ECT2L: variants seen among roughly 807,000 people sequenced by gnomAD.
ECT2L encodes the protein epithelial cell transforming 2 like.
In ECT2L, 126 loss-of-function variants were observed where a neutral mutation model predicts 122.8. That is an observed-to-expected ratio of 1.03 (90% CI 0.89 to 1.19). The LOEUF (loss-of-function observed/expected upper bound fraction) is 1.19, where lower values mean the gene tolerates loss of function less well. Ranked by LOEUF, ECT2L falls within the 50% of genes most tolerant of loss-of-function variation. The probability of loss-of-function intolerance (pLI) is 0.00; values close to 1 mark genes in which losing one functional copy is unlikely to be tolerated. For synonymous variants in ECT2L, 385 were observed against 381.8 expected (o/e 1.01, Z -0.10); for missense variants, 1,012 against 1,064.1 (o/e 0.95, Z 0.68).
In ECT2L at chr6:138,882,899, A is replaced by G. The variant is rs376831185; in HGVS notation, c.2028+28A>G. 34 of 1,610,478 alleles carry G rather than the reference A, an allele frequency of 2.1e-5. No homozygotes were observed. The African/African-American group carries it at 2.7e-4, about 13-fold the overall frequency. The stretch of plus-strand genomic sequence containing the variant: ...AAATGAGTTTCAATTCCATCATTCT[A>G]TAAGACCTGAGCTAGAAAGGAAGTT... On this transcript the variant is annotated intron_variant, in intron 16 of 21. Transcript: ENST00000541398.
intron 13 of ECT2L, among the ~76,000 whole-genome samples, chr6:138,868,921 C>G (rs1582637337): frequency 6.6e-6 from 1 of 152,190 alleles, no homozygotes; most frequent in East Asian, 1.9e-4. Context: ...AATCCCAGCA[C>G]TTTGGGAGGC....
chr6:138,850,325 A>G (rs531438234), intron 9 of ECT2L, among the ~76,000 whole-genome samples: 1 of 152,130 alleles, frequency 6.6e-6, no homozygotes, highest in South Asian at 2.1e-4. Context: ...TTCTATTTTT[A>G]GTAGAGACAG....
intron 20 of ECT2L, among the ~76,000 whole-genome samples, chr6:138,891,535 C>A (rs1410823974): frequency 6.6e-6 from 1 of 152,120 alleles, no homozygotes; most frequent in Non-Finnish European, 1.5e-5. Flanking sequence ...GATTCCAGAT[C>A]TTTAGATAAA....
intron 10 of ECT2L, among the ~76,000 whole-genome samples, chr6:138,858,957 C>T (rs1777722081): frequency 6.6e-6 from 1 of 152,056 alleles, no homozygotes; most frequent in African/African-American, 2.4e-5. Context: ...ATTCTCCTTC[C>T]TCAGCCTGCT....
At chr6:138,832,434 T>G (rs1298668524) in intron 4 of ECT2L, among the ~76,000 whole-genome samples, 1 of 152,204 alleles carries the variant, frequency 6.6e-6, no homozygotes, top group Admixed American at 6.5e-5. Context: ...TTCACATATG[T>G]ATCTTCCTCT....
chr6:138,886,697 C>T (rs867272934), intron 18 of ECT2L, among the ~76,000 whole-genome samples, 160 bp from the exon 19 acceptor site: 3 of 152,084 alleles, frequency 2.0e-5, no homozygotes, highest in Non-Finnish European at 4.4e-5. Flanking sequence ...GGATTACAGA[C>T]GAAAGTCACT....
chr6:138,839,364 C>CTTTTTTT (rs11325945), intron 5 of ECT2L, among the ~76,000 whole-genome samples: 1 of 147,614 alleles, frequency 6.8e-6, no homozygotes, highest in Non-Finnish European at 1.5e-5. Flanking sequence ...TAAACACATA[C>CTTTTTTT]TTTTTTTTTT....
chr6:138,826,013 A>C (rs1461091057), intron 4 of ECT2L, among the ~76,000 whole-genome samples: 1 of 152,202 alleles, frequency 6.6e-6, no homozygotes, highest in Non-Finnish European at 1.5e-5. Context: ...TCACTGATGG[A>C]AGCATTCCCT....
chr6:138,861,075 T>C (rs1463098752), intron 10 of ECT2L, among the ~76,000 whole-genome samples: 2 of 152,212 alleles, frequency 1.3e-5, no homozygotes, highest in Non-Finnish European at 2.9e-5. Context: ...TTTTTATGGC[T>C]GCCTAGTATT....
rs58482102 is a variant in ECT2L, at chr6:138,886,408, AT to A, written c.2260-439del. On this transcript the variant is annotated intron_variant, in intron 18 of 21. Coordinates refer to ENST00000541398, the MANE Select transcript of ECT2L (RefSeq NM_001077706.3). Reference sequence around the variant, plus strand: ...AAAACATTGGGTACAGAAAATTGAAATTTTTTTTTTCTTTTTTGAGACAGGG... The same window carrying A: ...AAAACATTGGGTACAGAAAATTGAAATTTTTTTTTCTTTTTTGAGACAGGG... 5.4e-3 allele frequency among the ~76,000 whole-genome samples: 819 copies of A among 150,814 alleles called. 17 individuals carry two copies. The highest frequency in any genetic ancestry group is 0.043 in the Admixed American group (650 of 15,116).
intron 1 of ECT2L, among the ~76,000 whole-genome samples, chr6:138,799,195 A>G (rs1049672129): frequency 2.0e-5 from 3 of 152,128 alleles, no homozygotes; most frequent in Non-Finnish European, 2.9e-5. Context: ...TTCAGGAAAA[A>G]TCTAGTATAA....
chr6:138,861,501 T>C (rs1777830376), intron 10 of ECT2L, among the ~76,000 whole-genome samples: 2 of 152,228 alleles, frequency 1.3e-5, no homozygotes, highest in Admixed American at 1.3e-4. Context: ...CTTTTTTTCA[T>C]GTGTTTGACG....
chr6:138,886,798 C>A, intron 18 of ECT2L, 59 bp from the exon 19 acceptor site: 1 of 1,184,110 alleles, frequency 8.4e-7, no homozygotes, highest in South Asian at 1.3e-5. Flanking sequence ...TAATCTATTT[C>A]TTTTATGAAT....
At chr6:138,864,910 T>G in intron 11 of ECT2L, 86 bp from the exon 12 acceptor site, 1 of 1,298,158 alleles carries the variant, frequency 7.7e-7, no homozygotes, top group Non-Finnish European at 1.1e-6. Context: ...CAAATGCAAC[T>G]AAGATTTTGT....
Position 138,886,862 on chromosome 6 carries a change from G to C in ECT2L, c.2265G>C (p.Lys755Asn), listed in dbSNP as rs755404937. Residue 755 changes from lysine (K) to asparagine (N), a missense_variant, in exon 19 of 22, where the codon AAG (lysine) becomes AAC (asparagine). Coordinates refer to ENST00000541398, the MANE Select transcript of ECT2L (RefSeq NM_001077706.3). The stretch of plus-strand genomic sequence containing the variant: ...AAGTACTTTTTTTCCCCTAGATGAA[G>C]CAAAACATCACTATGAAGGATCATC... ...KKYKGYIDQMKQNITMKDHLS... is the reference protein window; with the variant it reads ...KKYKGYIDQMNQNITMKDHLS... 4 of 1,612,946 alleles carry C rather than the reference G, an allele frequency of 2.5e-6. No individual in the cohort carries two copies. Among genetic ancestry groups the C allele is most frequent in the African/African-American group, 2.7e-5 (2 of 74,844 alleles).
intron 16 of ECT2L, among the ~76,000 whole-genome samples, chr6:138,884,127 A>G (rs545020519): frequency 6.6e-6 from 1 of 152,284 alleles, no homozygotes; most frequent in East Asian, 1.9e-4. Flanking sequence ...CTGTCTCCCA[A>G]AGTGCTGGGA....
chr6:138,860,798 T>G (rs189097390), intron 10 of ECT2L, among the ~76,000 whole-genome samples: 223 of 151,758 alleles, frequency 1.5e-3, no homozygotes, highest in Non-Finnish European at 2.8e-3. Flanking sequence ...CCATGGTGGT[T>G]TGCTGCACTT....
At chr6:138,826,249 C>T (rs1776446957) in intron 4 of ECT2L, among the ~76,000 whole-genome samples, 1 of 152,164 alleles carries the variant, frequency 6.6e-6, no homozygotes, top group Non-Finnish European at 1.5e-5. Flanking sequence ...TTCCAAAATC[C>T]TAGTCTGAAT....
chr6:138,809,351 G>A (rs1200673733), intron 1 of ECT2L, among the ~76,000 whole-genome samples: 2 of 152,124 alleles, frequency 1.3e-5, no homozygotes, highest in Non-Finnish European at 2.9e-5. Context: ...GCATGCCTAC[G>A]GTCCCAGCTG....
Sources: allele counts gnomAD v4.1 joint callset (sites outside exome capture counted in the v4.1 genomes callset), GRCh38; gene constraint gnomAD v4.1.1; transcripts MANE v1.5; gene names NCBI Gene and HGNC (gene_info 2026-07-23, HGNC 2026-07-21).